Variants in EDRF1 observed in about 807,000 individuals in gnomAD.
EDRF1 encodes the protein erythroid differentiation regulatory factor 1.
Under a neutral mutation model 148.7 loss-of-function variants are expected in EDRF1, and 69 were observed. The observed-to-expected ratio is 0.46, with a 90% CI of 0.38 to 0.57. EDRF1 has a LOEUF of 0.57. Ranked by LOEUF, EDRF1 falls within the 20% of genes least tolerant of loss-of-function variation. The pLI is 0.00. For missense variants in EDRF1, 1,118 were observed against 1,478.7 expected, an observed-to-expected ratio of 0.76 and a Z score of 4.00; for synonymous variants, 515 against 532.8, an observed-to-expected ratio of 0.97 and a Z score of 0.46.
Position 125,723,903 on chromosome 10 carries a change from A to G in EDRF1, c.477A>G (p.Leu159=), listed in dbSNP as rs61738566. The part of the protein sequence containing the change: ...RIGRTLLLDE[L]DIQELFMRSS... ...GAAGGACTCTCTTACTAGATGAGCTAGATATTCAAGAACTCTTTATGAGAT... is the reference window on the plus strand; with the variant it reads ...GAAGGACTCTCTTACTAGATGAGCTGGATATTCAAGAACTCTTTATGAGAT... The change falls in exon 4 of 25, where the codon CTA becomes CTG. Residue 159 remains leucine, a synonymous_variant. Coordinates refer to ENST00000356792, the MANE Select transcript of EDRF1 (RefSeq NM_001202438.2). 3,104 of 1,613,696 alleles carry G rather than the reference A, an allele frequency of 1.9e-3. 54 individuals are homozygous for G. The African/African-American group carries it at 0.036, about 19-fold the overall frequency.
chr10:125,723,710 A>G, intron 3 of EDRF1, 101 bp from the exon 4 acceptor site: 2 of 1,238,714 alleles, frequency 1.6e-6, no homozygotes, highest in Non-Finnish European at 2.3e-6. Context: ...TTAAGGAAAT[A>G]AGGTTTATTA....
intron 17 of EDRF1, 64 bp from the exon 18 acceptor site, chr10:125,742,994 A>G: frequency 6.3e-7 from 1 of 1,588,946 alleles, no homozygotes; most frequent in Non-Finnish European, 8.6e-7. Context: ...TCTCAGGTTC[A>G]TTTGGATACT....
In EDRF1 at chr10:125,747,944, T is replaced by C. The variant is rs767880685; in HGVS notation, c.3055T>C (p.Cys1019Arg). 1 of 1,614,210 alleles carries C rather than the reference T, an allele frequency of 6.2e-7. No homozygotes were observed. Among genetic ancestry groups the C allele is most frequent in the Non-Finnish European group, 8.5e-7 (1 of 1,180,022 alleles). The change falls in exon 21 of 25, where the codon TGT becomes CGT. Residue 1019 changes from cysteine (C) to arginine (R), a missense_variant. Cys to Arg is a radical substitution (Grantham distance 180). Transcript: ENST00000356792. ...VDSVSARQPL[C>R]QYRAATIHHR... Reference sequence around the variant, plus strand: ...TTCAGTGTCTGCTCGACAGCCCCTTTGTCAGTATCGAGCTGCAACCATCCA... The same window carrying C: ...TTCAGTGTCTGCTCGACAGCCCCTTCGTCAGTATCGAGCTGCAACCATCCA...
intron 23 of EDRF1, 121 bp from the exon 24 acceptor site, chr10:125,753,573 G>A: frequency 9.0e-7 from 1 of 1,110,170 alleles, no homozygotes; most frequent in Non-Finnish European, 1.4e-6. Context: ...CTTTTTGTTT[G>A]TTTGTCTTGT....
At position 125,735,764 on chromosome 10, in the gene EDRF1, G is replaced by A. The variant is rs375707102; in HGVS notation, c.1618G>A (p.Glu540Lys). 1.2e-6 allele frequency: 2 copies of A among 1,613,676 alleles called. No homozygotes were observed. The highest frequency in any genetic ancestry group is 1.3e-5 in the African/African-American group (1 of 74,862). Residue 540 changes from glutamate to lysine, a missense_variant, in exon 13 of 25, where the codon GAA (glutamate) becomes AAA (lysine). Glu to Lys is a moderately conservative substitution (Grantham distance 56). Coordinates refer to ENST00000356792, the MANE Select transcript of EDRF1 (RefSeq NM_001202438.2). ...TGATGAAAGTTATAGTGAAGAGGAGGAAGAGATGCCCGACAGTGATGAAAA... is the reference window on the plus strand; with the variant it reads ...TGATGAAAGTTATAGTGAAGAGGAGAAAGAGATGCCCGACAGTGATGAAAA... Reference protein sequence around the residue: ...NSDESYSEEEEEMPDSDENGS... With the variant: ...NSDESYSEEEKEMPDSDENGS...
At chr10:125,738,012 C>T (rs183349582) in intron 14 of EDRF1, 23 bp downstream of exon 14, 1 of 1,606,526 alleles carries the variant, frequency 6.2e-7, no homozygotes, top group Non-Finnish European at 8.5e-7. Flanking sequence ...TTAGTCTTCA[C>T]TTTTTTCGTA....
chr10:125,733,690 T>C lies in EDRF1; in HGVS notation c.1332T>C (p.Thr444=), dbSNP rs1334652757. The part of the protein sequence containing the change: ...LYDLTTLCEE[T]EDKYQNPFTM... The stretch of plus-strand genomic sequence containing the variant: ...ACCTCACTACTCTTTGTGAAGAAAC[T>C]GAAGACAAATACCAAAATCCATTCA... Residue 444 remains threonine, a synonymous_variant, in exon 11 of 25, where the codon ACT becomes ACC. Transcript: ENST00000356792. 1.2e-6 allele frequency: 2 copies of C among 1,613,588 alleles called. No individual in the cohort carries two copies.
intron 14 of EDRF1, 69 bp from the exon 15 acceptor site, chr10:125,738,226 C>T: frequency 6.3e-7 from 1 of 1,578,578 alleles, no homozygotes; most frequent in Non-Finnish European, 8.7e-7. Context: ...AGTCCAGATA[C>T]TGTCTTATAT....
At chr10:125,742,079 T>G (rs2133723407) in intron 17 of EDRF1, 1 of 457,488 alleles carries the variant, frequency 2.2e-6, no homozygotes. Flanking sequence ...GGTTTCCTTT[T>G]GAAAGGTATA....
chr10:125,750,012 A>G (rs1354351135), intron 22 of EDRF1, among the ~76,000 whole-genome samples: 14 of 152,158 alleles, frequency 9.2e-5, no homozygotes, highest in Admixed American at 8.5e-4. Context: ...GTGGTGGTGC[A>G]GGCCTGTAGT....
chr10:125,763,204 T>G lies in EDRF1; in HGVS notation c.3546-97T>G, dbSNP rs952220839. The stretch of plus-strand genomic sequence containing the variant: ...GGAATGCCTGCTGCTCTGTGAAGAG[T>G]GACTGTTGGGCTGTCACTGTCCGGT... On this transcript the variant is annotated intron_variant, in intron 24 of 24. Coordinates refer to ENST00000356792, the MANE Select transcript of EDRF1 (RefSeq NM_001202438.2). This position sits in a 1 kb window ranked among gnomAD's most constrained non-coding sequence, Gnocchi z 4.3. 8.0e-5 allele frequency: 97 copies of G among 1,211,836 alleles called. No individual in the cohort carries two copies. Among genetic ancestry groups the G allele is most frequent in the Admixed American group, 4.4e-4 (26 of 58,550 alleles). The allele number at this position is 1,211,836 out of a possible 1,614,324, so 75.1% of individuals were successfully genotyped here. A position where few individuals can be genotyped will look rare whatever the true frequency, so the allele number is the denominator to read the frequency against.
intron 11 of EDRF1, 67 bp downstream of exon 11, chr10:125,733,810 C>G (rs1848594018): frequency 2.1e-6 from 3 of 1,433,176 alleles, no homozygotes; most frequent in Non-Finnish European, 9.8e-7. Flanking sequence ...CATACAGTCA[C>G]AGTTTCCAAA....
intron 24 of EDRF1, among the ~76,000 whole-genome samples, chr10:125,755,408 G>C (rs1408541894): frequency 6.6e-6 from 1 of 152,142 alleles, no homozygotes; most frequent in African/African-American, 2.4e-5. Context: ...CTGATATTTT[G>C]TTGATAATTT....
chr10:125,742,539 T>A, intron 17 of EDRF1: 1 of 985,464 alleles, frequency 1.0e-6, no homozygotes, highest in Admixed American at 6.1e-5. Context: ...CAAATAATCA[T>A]GTTTTAATGT....
At chr10:125,724,586 C>T (rs754570322) in intron 4 of EDRF1, among the ~76,000 whole-genome samples, 2 of 152,126 alleles carry the variant, frequency 1.3e-5, no homozygotes, top group African/African-American at 2.4e-5. Context: ...CACCTAATGA[C>T]GCGCTTCTCA....
chr10:125,745,955 GC>G, intron 19 of EDRF1, 25 bp downstream of exon 19: 4 of 1,607,028 alleles, frequency 2.5e-6, no homozygotes, highest in Non-Finnish European at 1.7e-6. Context: ...TACATGTTGG[GC>G]CTCACCCATT....
chr10:125,731,883 T>C (rs1337396809), intron 9 of EDRF1: 4 of 454,120 alleles, frequency 8.8e-6, no homozygotes, highest in African/African-American at 4.0e-5. Flanking sequence ...CATGCTGTTA[T>C]TCCTATTTGA....
At chr10:125,731,743 C>T in intron 9 of EDRF1, 1 of 308,894 alleles carries the variant, frequency 3.2e-6, no homozygotes, top group Admixed American at 3.0e-5. Flanking sequence ...AATGTACTTT[C>T]CACTAGAGAG....
chr10:125,738,505 A>G, intron 15 of EDRF1, 60 bp downstream of exon 15: 22 of 1,597,570 alleles, frequency 1.4e-5, no homozygotes, highest in Non-Finnish European at 1.9e-5. Flanking sequence ...GTTCTTTATC[A>G]ACAGCAGACT....
Sources: gnomAD v4.1 joint callset for allele counts (sites outside exome capture counted in the v4.1 genomes callset) on GRCh38, gnomAD v4.1.1 for gene constraint, Gnocchi (gnomAD v3.1) non-coding constraint, MANE v1.5 for transcripts, NCBI Gene and HGNC (gene_info 2026-07-23, HGNC 2026-07-21) for gene names.